Variants in ZNF385D observed in about 807,000 individuals in gnomAD.
The protein encoded by ZNF385D is zinc finger protein 385D.
A neutral mutation model predicts 35.8 loss-of-function variants in ZNF385D; 15 were observed. That is an observed-to-expected ratio of 0.42 (90% CI 0.28 to 0.64). ZNF385D has a LOEUF of 0.64. ZNF385D is among the 30% of genes least tolerant of loss of function. ZNF385D has a pLI of 0.23. For synonymous variants in ZNF385D, 212 were observed against 186.8 expected, an observed-to-expected ratio of 1.13 and a Z score of -1.10; for missense variants, 474 against 494.6, an observed-to-expected ratio of 0.96 and a Z score of 0.39.
In ZNF385D at chr3:22,214,077, G is replaced by A. The variant is rs115880674; in HGVS notation, c.107-45042C>T. ...TTGCTGGAAGTCAGGGACTTCGAAC[G>A]GAGGGACTGGCTGAAGCCATGGCAG... On this transcript the variant is annotated intron_variant, in intron 2 of 5. Transcript: ENST00000494108. Among the ~76,000 whole-genome samples, 983 of 152,146 alleles carry A rather than the reference G, an allele frequency of 6.5e-3. 14 individuals carry two copies. The highest frequency in any genetic ancestry group is 0.018 in the African/African-American group (755 of 41,530).
chr3:22,315,851 T>A (rs918447174), intron 2 of ZNF385D, among the ~76,000 whole-genome samples: 1 of 152,116 alleles, frequency 6.6e-6, no homozygotes, highest in Non-Finnish European at 1.5e-5. Flanking sequence ...AGAGACTGAA[T>A]CTGCCTTTGT....
intron 3 of ZNF385D, among the ~76,000 whole-genome samples, chr3:21,556,056 T>TTTTTG (rs1559400407): frequency 7.1e-6 from 1 of 141,270 alleles, no homozygotes; most frequent in Non-Finnish European, 1.5e-5. Flanking sequence ...TTTTGACGTT[T>TTTTTG]TTTTTGTTTT....
chr3:21,676,952 T>C (rs1169015746), intron 1 of ZNF385D, among the ~76,000 whole-genome samples: 1 of 151,828 alleles, frequency 6.6e-6, no homozygotes, highest in African/African-American at 2.4e-5. Flanking sequence ...AGATATAGGA[T>C]TTACAAATCC....
intron 1 of ZNF385D, among the ~76,000 whole-genome samples, chr3:21,732,076 G>T: frequency 1.8e-5 from 1 of 56,294 alleles, no homozygotes; most frequent in African/African-American, 8.6e-5. Context: ...TTTTGAGAAC[G>T]GAGTTTTGCT....
intron 4 of ZNF385D, among the ~76,000 whole-genome samples, chr3:21,451,237 T>C (rs1038608767): frequency 1.3e-5 from 2 of 152,046 alleles, no homozygotes; most frequent in African/African-American, 4.8e-5. Context: ...TCTGTTTCTA[T>C]TGAAGAATAT....
intron 2 of ZNF385D, among the ~76,000 whole-genome samples, chr3:21,621,900 C>T (rs1315709062): frequency 2.0e-5 from 3 of 149,056 alleles, no homozygotes; most frequent in Non-Finnish European, 4.4e-5. Flanking sequence ...TGTGTGCGTG[C>T]ACGCACGTGT....
chr3:21,697,749 T>C (rs2067523246), intron 1 of ZNF385D, among the ~76,000 whole-genome samples: 1 of 151,638 alleles, frequency 6.6e-6, no homozygotes, highest in South Asian at 2.1e-4. Flanking sequence ...CAAACTCAAA[T>C]AACTCAACAA....
chr3:22,191,875 C>G (rs967136351), intron 2 of ZNF385D, among the ~76,000 whole-genome samples: 6 of 151,410 alleles, frequency 4.0e-5, no homozygotes, highest in African/African-American at 1.5e-4. Flanking sequence ...TTACTTACTA[C>G]TGATGCTTAT....
At chr3:21,834,585 A>G (rs1363205246) in intron 3 of ZNF385D, among the ~76,000 whole-genome samples, 1 of 152,092 alleles carries the variant, frequency 6.6e-6, no homozygotes, top group African/African-American at 2.4e-5. Context: ...CTACCTTTGT[A>G]CTCCCAGCTA....
At chr3:21,642,720 CA>C (rs1323060364) in intron 2 of ZNF385D, among the ~76,000 whole-genome samples, 5 of 152,022 alleles carry the variant, frequency 3.3e-5, no homozygotes, top group Non-Finnish European at 5.9e-5. Context: ...AATGGACGAA[CA>C]AAATGTGGTT....
chr3:21,493,711 A>G (rs1485941485), intron 4 of ZNF385D, among the ~76,000 whole-genome samples: 1 of 151,654 alleles, frequency 6.6e-6, no homozygotes, highest in Non-Finnish European at 1.5e-5. Context: ...CAATCCTCCC[A>G]TCTCTGCTCC....
In ZNF385D at chr3:21,933,488, G is replaced by C. The variant is rs187140362; in HGVS notation, c.325+235329C>G. Among the ~76,000 whole-genome samples the C allele has an allele frequency of 2.5e-3, 377 of 152,286 alleles. 1 individual carries two copies. The highest frequency in any genetic ancestry group is 8.6e-3 in the African/African-American group (359 of 41,560). ...GAATTTGTCCCCATTTGTGAAAAAG[G>C]CCAATGCTTCATAGGCTATAATTAC... On this transcript the variant is annotated intron_variant, in intron 3 of 5. Transcript: ENST00000494108.
chr3:22,233,800 C>CTCTCCTAAG (rs1699028700), intron 2 of ZNF385D, among the ~76,000 whole-genome samples: 2 of 152,144 alleles, frequency 1.3e-5, no homozygotes, highest in South Asian at 4.2e-4. Flanking sequence ...TCTGTATCTC[C>CTCTCCTAAG]TCTCCTAAGT....
chr3:22,024,458 G>C (rs1378003179), intron 3 of ZNF385D, among the ~76,000 whole-genome samples: 1 of 151,980 alleles, frequency 6.6e-6, no homozygotes, highest in Non-Finnish European at 1.5e-5. Context: ...GGTTTCTGGA[G>C]TTGGCTGCTT....
chr3:21,487,345 A>T (rs1549356), intron 4 of ZNF385D, among the ~76,000 whole-genome samples: 73,097 of 151,704 alleles, frequency 0.48, 18,092 homozygotes, highest in East Asian at 0.63. Flanking sequence ...TTATTATCAC[A>T]TTTGTTAGAA....
chr3:22,158,405 T>C (rs1705727362), intron 3 of ZNF385D, among the ~76,000 whole-genome samples: 1 of 152,094 alleles, frequency 6.6e-6, no homozygotes, highest in Non-Finnish European at 1.5e-5. Context: ...CAGTGTTTTA[T>C]CTCATTTTTA....
intron 3 of ZNF385D, among the ~76,000 whole-genome samples, chr3:21,809,150 T>C (rs1161420103): frequency 2.6e-5 from 4 of 152,220 alleles, no homozygotes; most frequent in East Asian, 1.9e-4. Flanking sequence ...ATGACATAGA[T>C]GTTGAAATTA....
intron 1 of ZNF385D, among the ~76,000 whole-genome samples, chr3:21,728,511 A>G (rs1461189669): frequency 6.6e-6 from 1 of 152,168 alleles, no homozygotes; most frequent in Non-Finnish European, 1.5e-5. Flanking sequence ...ACCTTTTTGA[A>G]ACAAAATTGA....
chr3:21,736,053 A>C (rs1391827133), intron 1 of ZNF385D, among the ~76,000 whole-genome samples: 2 of 152,230 alleles, frequency 1.3e-5, no homozygotes, highest in Non-Finnish European at 2.9e-5. Context: ...TCTTGGACTG[A>C]ATCCTTTGCA....
Sources: gnomAD v4.1 joint callset for allele counts (sites outside exome capture counted in the v4.1 genomes callset) on GRCh38, gnomAD v4.1.1 for gene constraint, MANE v1.5 for transcripts, NCBI Gene and HGNC (gene_info 2026-07-23, HGNC 2026-07-21) for gene names.